ASIC2: variants seen among roughly 807,000 people sequenced by gnomAD.
The protein encoded by ASIC2 is acid sensing ion channel subunit 2.
Under a neutral mutation model 57.3 loss-of-function variants are expected in ASIC2, and 25 were observed. The observed-to-expected ratio is 0.44, with a 90% confidence interval of 0.32 to 0.61. The LOEUF (loss-of-function observed/expected upper bound fraction) is 0.61, where lower values mean the gene tolerates loss of function less well. ASIC2 is among the 20% of genes least tolerant of loss of function. ASIC2 has a pLI of 0.06. For synonymous variants in ASIC2, 319 were observed against 307.5 expected (o/e 1.04, Z -0.39); for missense variants, 641 against 738.1 (o/e 0.87, Z 1.52).
chr17:33,140,183 T>C lies in ASIC2; in HGVS notation c.709-28116A>G, dbSNP rs2092382022. ...TCAGGTGAGTCCCGAAGTCTAAGGC[T>C]CTCTGGTTATTGTGATGGTAGCTGG... On this transcript the variant is annotated intron_variant, in intron 1 of 9. Transcript: ENST00000225823. Among the ~76,000 whole-genome samples, 3 of 152,236 alleles carry C rather than the reference T, an allele frequency of 2.0e-5. No homozygotes were observed. The South Asian group carries it at 6.2e-4, about 32-fold the overall frequency.
chr17:33,968,250 G>A (rs753850744), intron 1 of ASIC2, among the ~76,000 whole-genome samples: 1 of 152,146 alleles, frequency 6.6e-6, no homozygotes, highest in Non-Finnish European at 1.5e-5. Context: ...CTGCTACACT[G>A]ATCCAAATAA....
In ASIC2 at chr17:33,462,761, A is replaced by G. The variant is rs1220378320; in HGVS notation, c.556-350694T>C. ...TTGATATTCAGAAGGATCTGGAGGT[A>G]AATGAAACATTGAATTCTGGTGAGA... On this transcript the variant is annotated intron_variant, in intron 1 of 9. Coordinates refer to the ASIC2 transcript ENST00000359872. Among the ~76,000 whole-genome samples the G allele has an allele frequency of 2.6e-5, 4 of 152,258 alleles. No individual in the cohort carries two copies. The East Asian group carries it at 7.7e-4, about 29-fold the overall frequency.
chr17:33,253,368 C>T (rs1908951555), intron 1 of ASIC2, among the ~76,000 whole-genome samples: 1 of 152,032 alleles, frequency 6.6e-6, no homozygotes, highest in Non-Finnish European at 1.5e-5. Flanking sequence ...TGTGTGCATG[C>T]ACGTATATGC....
intron 1 of ASIC2, among the ~76,000 whole-genome samples, chr17:33,772,400 T>G (rs762446072): frequency 1.3e-5 from 2 of 152,212 alleles, no homozygotes; most frequent in Non-Finnish European, 2.9e-5. Context: ...AACTTAAGTA[T>G]AAAGATGGAC....
chr17:33,112,292 T>A, intron 1 of ASIC2: 1 of 550,746 alleles, frequency 1.8e-6, no homozygotes, highest in South Asian at 2.3e-5. Context: ...TTGGGGTTTG[T>A]TGCAGTAGGA....
intron 1 of ASIC2, among the ~76,000 whole-genome samples, chr17:33,376,274 C>G (rs1909273374): frequency 1.3e-5 from 2 of 152,034 alleles, no homozygotes; most frequent in Admixed American, 6.5e-5. Flanking sequence ...AAAAATACAG[C>G]TGGGTGAGAA....
chr17:33,124,932 T>A (rs576726589), intron 1 of ASIC2, among the ~76,000 whole-genome samples: 88 of 152,322 alleles, frequency 5.8e-4, no homozygotes, highest in South Asian at 1.2e-3. Context: ...GGGCACAACC[T>A]AGATCCCTCA....
intron 1 of ASIC2, among the ~76,000 whole-genome samples, chr17:33,450,853 G>A (rs1365090006): frequency 6.6e-6 from 1 of 152,098 alleles, no homozygotes; most frequent in Non-Finnish European, 1.5e-5. Context: ...CACAGTTTCT[G>A]TACATCTGTA....
intron 1 of ASIC2, among the ~76,000 whole-genome samples, chr17:34,031,027 C>A (rs769947402): frequency 1.2e-4 from 18 of 152,246 alleles, no homozygotes; most frequent in Non-Finnish European, 2.5e-4. Flanking sequence ...GTTCTCCCAG[C>A]ACACAGCTGG....
At chr17:33,068,196 T>C (rs1284569979) in intron 3 of ASIC2, among the ~76,000 whole-genome samples, 2 of 152,120 alleles carry the variant, frequency 1.3e-5, no homozygotes, top group African/African-American at 4.8e-5. Flanking sequence ...GGTTGACCAA[T>C]AATTTCAGTT....
intron 3 of ASIC2, among the ~76,000 whole-genome samples, chr17:33,054,308 A>G (rs913785065): frequency 2.6e-5 from 4 of 152,068 alleles, no homozygotes; most frequent in African/African-American, 9.7e-5. Context: ...CTGGGGCTCA[A>G]ATGACTAGAC....
In ASIC2 at chr17:33,975,339, A is replaced by T. The variant is rs141260526; in HGVS notation, c.555+180639T>A. 5.1e-4 allele frequency among the ~76,000 whole-genome samples: 77 copies of T among 152,268 alleles called. 2 individuals carry two copies. The East Asian group carries it at 0.012, about 24-fold the overall frequency. ...TGGAGGCCCAGTCTAGTCCTCTTCC[A>T]GGGGAAGATGGCTCAATCTTCGCCC... On this transcript the variant is annotated intron_variant, in intron 1 of 9. Coordinates refer to the ASIC2 transcript ENST00000359872.
At chr17:33,584,176 C>T (rs1156938711) in intron 1 of ASIC2, among the ~76,000 whole-genome samples, 1 of 152,152 alleles carries the variant, frequency 6.6e-6, no homozygotes, top group East Asian at 1.9e-4. Flanking sequence ...CTACATCTGT[C>T]CAGTATTTTA....
chr17:34,044,825 G>A (rs994353823), intron 1 of ASIC2, among the ~76,000 whole-genome samples: 2 of 152,064 alleles, frequency 1.3e-5, no homozygotes, highest in Non-Finnish European at 2.9e-5. Context: ...CATTCCTCTT[G>A]GGCTGCCCCT....
chr17:34,127,727 C>G (rs1478677696), intron 1 of ASIC2, among the ~76,000 whole-genome samples: 2 of 152,138 alleles, frequency 1.3e-5, no homozygotes, highest in African/African-American at 4.8e-5. Flanking sequence ...TCCGATGCCA[C>G]CTGAGCCCTC....
chr17:33,524,440 G>A (rs1007411062), intron 1 of ASIC2, among the ~76,000 whole-genome samples: 4 of 152,180 alleles, frequency 2.6e-5, no homozygotes, highest in Non-Finnish European at 4.4e-5. Context: ...TTGAGAGAAT[G>A]AGTTCTCCCC....
intron 1 of ASIC2, among the ~76,000 whole-genome samples, chr17:33,174,790 C>T (rs115926060): frequency 6.6e-6 from 1 of 152,140 alleles, no homozygotes; most frequent in African/African-American, 2.4e-5. Context: ...CCCTGAGTCA[C>T]CTGCTGTTGA....
At chr17:33,266,081 C>T (rs541315745) in intron 1 of ASIC2, among the ~76,000 whole-genome samples, 3 of 152,258 alleles carry the variant, frequency 2.0e-5, no homozygotes, top group South Asian at 2.1e-4. Context: ...AGTGTTCTCC[C>T]GGGAAACTTT....
chr17:33,512,956 C>T (rs1007295292), intron 1 of ASIC2, among the ~76,000 whole-genome samples: 1 of 152,206 alleles, frequency 6.6e-6, no homozygotes, highest in Admixed American at 6.5e-5. Context: ...AGTGACTTGG[C>T]CAAGGTGAAC....
Sources: gnomAD v4.1 joint callset for allele counts (sites outside exome capture counted in the v4.1 genomes callset) on GRCh38, gnomAD v4.1.1 for gene constraint, MANE v1.5 for transcripts, NCBI Gene and HGNC (gene_info 2026-07-23, HGNC 2026-07-21) for gene names.